SNX1: variants seen among roughly 807,000 people sequenced by gnomAD.
The protein encoded by SNX1 is sorting nexin-1.
SNX1 carries 36 observed loss-of-function variants against 71.8 expected under a neutral mutation model. The observed-to-expected ratio is 0.50, with a 90% CI of 0.38 to 0.66. The LOEUF (loss-of-function observed/expected upper bound fraction) is 0.66. SNX1 is among the 30% of genes least tolerant of loss of function. The probability of loss-of-function intolerance (pLI) is 0.00; values close to 1 mark genes in which losing one functional copy is unlikely to be tolerated. For missense variants in SNX1, 612 were observed against 646.7 expected (o/e 0.95, Z 0.58); for synonymous variants, 254 against 240.7 (o/e 1.06, Z -0.51).
chr15:64,127,683 C>T (rs1420519156), intron 7 of SNX1, 48 bp from the exon 8 acceptor site: 3 of 1,438,296 alleles, frequency 2.1e-6, no homozygotes, highest in African/African-American at 2.8e-5. Flanking sequence ...CGCCCAGAAC[C>T]TTCTGAGGCC....
chr15:64,118,933 C>A, intron 4 of SNX1, 79 bp downstream of exon 4: 1 of 1,078,466 alleles, frequency 9.3e-7, no homozygotes, highest in South Asian at 1.3e-5. Flanking sequence ...GGATGGCTAC[C>A]CCCAGAGTTG....
chr15:64,101,800 G>T (rs2080964759), intron 1 of SNX1, among the ~76,000 whole-genome samples: 1 of 152,176 alleles, frequency 6.6e-6, no homozygotes, highest in African/African-American at 2.4e-5. Flanking sequence ...TAGATAGGAG[G>T]ACTGAGCTCT....
intron 1 of SNX1, among the ~76,000 whole-genome samples, chr15:64,105,519 A>T (rs189323425): frequency 2.0e-5 from 3 of 152,208 alleles, no homozygotes; most frequent in African/African-American, 7.2e-5. Flanking sequence ...CTGTTGCTCA[A>T]CTTTTTCTGG....
chr15:64,138,239 A>T lies in SNX1; in HGVS notation c.*621A>T, dbSNP rs752383298. On this transcript the variant is annotated 3_prime_UTR_variant, in exon 15 of 15. Transcript: ENST00000559844. Reference sequence around the variant, plus strand: ...CGTATTCCCACTTCTTTAGGGAAGGAGTTTTAAAAACATCTCTTAAAATAA... The same window carrying T: ...CGTATTCCCACTTCTTTAGGGAAGGTGTTTTAAAAACATCTCTTAAAATAA... The T allele has an allele frequency of 3.4e-5, 50 of 1,465,946 alleles. 1 individual carries two copies. Among genetic ancestry groups the T allele is most frequent in the Non-Finnish European group, 3.6e-6 (4 of 1,117,234 alleles). 90.8% of individuals were successfully genotyped at this position (1,465,946 alleles called of 1,614,324 possible). A position where few individuals can be genotyped will look rare whatever the true frequency, so the allele number is the denominator to read the frequency against.
At chr15:64,124,083 C>T (rs1294322433) in intron 5 of SNX1, among the ~76,000 whole-genome samples, 2 of 146,446 alleles carry the variant, frequency 1.4e-5, no homozygotes, top group East Asian at 3.9e-4. Flanking sequence ...ATATCCCCTG[C>T]CTCATACCTT....
chr15:64,117,916 G>T (rs190592997), intron 2 of SNX1, among the ~76,000 whole-genome samples: 17 of 152,320 alleles, frequency 1.1e-4, no homozygotes, highest in Non-Finnish European at 2.1e-4. Context: ...AGGAGAGGTT[G>T]TTCTACTAAG....
Position 64,137,823 on chromosome 15 carries a change from T to G in SNX1, c.*205T>G. On this transcript the variant is annotated 3_prime_UTR_variant, in exon 15 of 15. Coordinates refer to ENST00000559844, the MANE Select transcript of SNX1 (RefSeq NM_003099.5). ...TATTTTCTTACCTAAGAGAATAGTT[T>G]CCTGCTTTAAGCAAAAGACCTACAA... 2 of 1,419,840 alleles carry G rather than the reference T, an allele frequency of 1.4e-6. No homozygotes were observed. The highest frequency in any genetic ancestry group is 2.9e-5 in the African/African-American group (2 of 69,680). 88.0% of individuals were successfully genotyped at this position (1,419,840 alleles called of 1,614,324 possible). A position where few individuals can be genotyped will look rare whatever the true frequency, so the allele number is the denominator to read the frequency against.
At chr15:64,118,021 T>C (rs2081150320) in intron 2 of SNX1, 96 bp from the exon 3 acceptor site, 5 of 1,167,422 alleles carry the variant, frequency 4.3e-6, no homozygotes, top group Non-Finnish European at 6.2e-6. Context: ...GTATTGAGAG[T>C]GCTTGCTATT....
At chr15:64,125,464 CAA>C (rs56350009) in intron 5 of SNX1, among the ~76,000 whole-genome samples, 6 of 45,894 alleles carry the variant, frequency 1.3e-4, no homozygotes, top group Admixed American at 2.4e-4. Context: ...GACTCCATCT[CAA>C]AAAAAAAAAA....
intron 2 of SNX1, among the ~76,000 whole-genome samples, chr15:64,115,929 C>G (rs1286078468): frequency 6.6e-6 from 1 of 152,184 alleles, no homozygotes; most frequent in African/African-American, 2.4e-5. Context: ...ACGCATACTT[C>G]AACTGGTTGC....
chr15:64,113,095 A>C (rs1173916019), intron 2 of SNX1, among the ~76,000 whole-genome samples: 2 of 152,170 alleles, frequency 1.3e-5, no homozygotes, highest in African/African-American at 4.8e-5. Context: ...ACAGAAACAA[A>C]AGTTTTATTA....
chr15:64,125,966 G>T, intron 5 of SNX1, 113 bp from the exon 6 acceptor site: 1 of 1,090,948 alleles, frequency 9.2e-7, no homozygotes, highest in Non-Finnish European at 1.4e-6. Flanking sequence ...TTTGCCAGGT[G>T]ACTGAAGGGC....
At chr15:64,131,092 G>A (rs2081302034) in intron 10 of SNX1, among the ~76,000 whole-genome samples, 1 of 152,182 alleles carries the variant, frequency 6.6e-6, no homozygotes, top group African/African-American at 2.4e-5. Context: ...AGGCCAGCCT[G>A]GCCAAGATGG....
At chr15:64,117,089 A>G (rs993586324) in intron 2 of SNX1, among the ~76,000 whole-genome samples, 1 of 152,204 alleles carries the variant, frequency 6.6e-6, no homozygotes, top group African/African-American at 2.4e-5. Flanking sequence ...TCAGGTGTGG[A>G]AAAGTGCCCT....
In SNX1 at chr15:64,134,901, G is replaced by A; in HGVS notation, c.1365+94G>A. 6.7e-7 allele frequency: 1 copy of A among 1,497,926 alleles called. No individual in the cohort carries two copies. The highest frequency in any genetic ancestry group is 9.0e-7 in the Non-Finnish European group (1 of 1,108,716). The allele number at this position is 1,497,926 out of a possible 1,614,324, so 92.8% of individuals were successfully genotyped here. A position where few individuals can be genotyped will look rare whatever the true frequency, so the allele number is the denominator to read the frequency against. ...CCCAGAGGTTTGGAACCCCACAGGG[G>A]GAAGAGCGCTGATTGAGTCTAAAGG... On this transcript the variant is annotated intron_variant, in intron 12 of 14. Coordinates refer to ENST00000559844, the MANE Select transcript of SNX1 (RefSeq NM_003099.5). The surrounding 1 kb of genome is among the most constrained non-coding windows in gnomAD (Gnocchi z 4.1).
At chr15:64,125,981 A>G in intron 5 of SNX1, 98 bp from the exon 6 acceptor site, 1 of 1,275,606 alleles carries the variant, frequency 7.8e-7, no homozygotes, top group Non-Finnish European at 1.1e-6. Context: ...AAGGGCAGGG[A>G]TCTGGGAAAT....
At position 64,129,758 on chromosome 15, in the gene SNX1, TGTTA is replaced by T. The variant is rs1339289716; in HGVS notation, c.808-154_808-151del. ...GTTCTTTGATTTTTCTGTATGGACA[TGTTA>T]GTTGTGGATTCCTCAGACTGCCTTT... On this transcript the variant is annotated intron_variant, in intron 8 of 14. Transcript: ENST00000559844. The surrounding 1 kb of genome is among the most constrained non-coding windows in gnomAD (Gnocchi z 4.4). The T allele has an allele frequency of 2.0e-5, 12 of 596,902 alleles. No homozygotes were observed. Among genetic ancestry groups the T allele is most frequent in the East Asian group, 2.8e-5 (1 of 36,210 alleles). The allele number at this position is 596,902 out of a possible 1,614,324, so 37.0% of individuals were successfully genotyped here. A position where few individuals can be genotyped will look rare whatever the true frequency, so the allele number is the denominator to read the frequency against.
At chr15:64,113,352 TTTGGAAA>T (rs2140140719) in intron 2 of SNX1, among the ~76,000 whole-genome samples, 1 of 152,174 alleles carries the variant, frequency 6.6e-6, no homozygotes, top group East Asian at 1.9e-4. Context: ...CCAGAAGACA[TTTGGAAA>T]TGGTTGGAGA....
intron 1 of SNX1, among the ~76,000 whole-genome samples, chr15:64,111,807 C>A (rs569338258): frequency 9.9e-5 from 15 of 152,158 alleles, no homozygotes; most frequent in African/African-American, 2.9e-4. Flanking sequence ...CCATGGCTTT[C>A]GAAGCCACAT....
Sources: gnomAD v4.1 joint callset for allele counts (sites outside exome capture counted in the v4.1 genomes callset) on GRCh38, gnomAD v4.1.1 for gene constraint, Gnocchi (gnomAD v3.1) non-coding constraint, MANE v1.5 for transcripts, NCBI Gene and HGNC (gene_info 2026-07-23, HGNC 2026-07-21) for gene names.